The following DMAC2L variants were observed in gnomAD, a reference collection of about 807,000 sequenced individuals.
DMAC2L encodes the protein ATP synthase subunit s, mitochondrial.
Under a neutral mutation model 22.5 loss-of-function variants are expected in DMAC2L, and 21 were observed. The observed-to-expected ratio is 0.93, with a 90% CI of 0.66 to 1.34. The LOEUF is 1.34. Among genes scored for constraint, DMAC2L ranks in the 40% most tolerant of loss-of-function variants. DMAC2L has a pLI of 0.00. For missense variants in DMAC2L, 239 were observed against 246.5 expected (o/e 0.97, Z 0.20); for synonymous variants, 86 against 89.5 (o/e 0.96, Z 0.22).
chr14:50,323,506 G>A (rs1333136084), intron 4 of DMAC2L, among the ~76,000 whole-genome samples: 2 of 150,364 alleles, frequency 1.3e-5, no homozygotes, highest in Non-Finnish European at 2.9e-5. Flanking sequence ...TGATTCTCCT[G>A]CCTCAGCCTC....
Position 50,325,846 on chromosome 14 carries a change from G to C in DMAC2L, c.*123G>C. The C allele has an allele frequency of 7.1e-7, 1 of 1,413,564 alleles. No homozygotes were observed. Among genetic ancestry groups the C allele is most frequent in the Non-Finnish European group, 9.2e-7 (1 of 1,084,086 alleles). The allele number at this position is 1,413,564 out of a possible 1,614,324, so 87.6% of individuals were successfully genotyped here. A position where few individuals can be genotyped will look rare whatever the true frequency, so the allele number is the denominator to read the frequency against. ...CATATCATGACATTTTAGAAGTGGA[G>C]AGTGCATCATATGTAGAAAATAAAT... On this transcript the variant is annotated 3_prime_UTR_variant, in exon 6 of 6. Coordinates refer to ENST00000557421, the MANE Select transcript of DMAC2L (RefSeq NM_001382507.1).
At chr14:50,325,016 C>T (rs1451225061) in intron 5 of DMAC2L, among the ~76,000 whole-genome samples, 2 of 152,174 alleles carry the variant, frequency 1.3e-5, no homozygotes, top group Admixed American at 1.3e-4. Flanking sequence ...ACTCATGATC[C>T]GCCCGCCTCG....
At chr14:50,312,837 G>A (rs889995914) in intron 1 of DMAC2L, 2 of 641,424 alleles carry the variant, frequency 3.1e-6, no homozygotes, top group African/African-American at 3.7e-5. Flanking sequence ...CAGTCTTCTG[G>A]ACTTCTTTTA....
intron 2 of DMAC2L, among the ~76,000 whole-genome samples, chr14:50,319,665 A>T (rs996220035): frequency 6.6e-6 from 1 of 152,246 alleles, no homozygotes; most frequent in Non-Finnish European, 1.5e-5. Context: ...TAAATTCCTT[A>T]CAGCTCTAAT....
In DMAC2L at chr14:50,315,053, G is replaced by A. The variant is rs576190465; in HGVS notation, c.-6+427G>A. On this transcript the variant is annotated intron_variant, in intron 2 of 5. Transcript: ENST00000557421. Reference sequence around the variant, plus strand: ...ATGATCTCAGCTCACTGCAAGCTCTGCCTCCCGGGTTCACACCATTCTCCT... The same window carrying A: ...ATGATCTCAGCTCACTGCAAGCTCTACCTCCCGGGTTCACACCATTCTCCT... Among the ~76,000 whole-genome samples the A allele has an allele frequency of 3.8e-4, 58 of 151,658 alleles. 1 individual carries two copies. The South Asian group carries it at 0.012, about 31-fold the overall frequency.
chr14:50,311,797 CCTCTA>C (rs1417383221), upstream of DMAC2L, among the ~76,000 whole-genome samples: 1 of 152,204 alleles, frequency 6.6e-6, no homozygotes, highest in Non-Finnish European at 1.5e-5. Flanking sequence ...CTACTCCCGA[CCTCTA>C]CTCTATACAC....
chr14:50,314,667 G>T, intron 2 of DMAC2L, 41 bp downstream of exon 2: 1 of 453,668 alleles, frequency 2.2e-6, no homozygotes, highest in South Asian at 1.6e-5. Flanking sequence ...TTTGAGACAG[G>T]GTTATGCTCT....
At position 50,312,380 on chromosome 14, in the gene DMAC2L, C is replaced by T. The variant is rs2031301580; in HGVS notation, c.-51C>T. The T allele has an allele frequency of 8.3e-6, 5 of 602,642 alleles. No homozygotes were observed. Among genetic ancestry groups the T allele is most frequent in the South Asian group, 3.9e-5 (2 of 51,608 alleles). 37.3% of individuals were successfully genotyped at this position (602,642 alleles called of 1,614,324 possible). A position where few individuals can be genotyped will look rare whatever the true frequency, so the allele number is the denominator to read the frequency against. On this transcript the variant is annotated 5_prime_UTR_variant, in exon 1 of 6. Transcript: ENST00000557421. ...GCTGGCTCGCTCCCTCCCTCCCTCC[C>T]TCCGACGCTGTGAGTAGAGAAGCTA... is the stretch of plus-strand genomic sequence containing the variant.
chr14:50,316,988 A>G (rs1237983897), intron 2 of DMAC2L, among the ~76,000 whole-genome samples: 1 of 152,192 alleles, frequency 6.6e-6, no homozygotes, highest in African/African-American at 2.4e-5. Context: ...AGAATCTGCA[A>G]TGAACTTGAA....
Position 50,322,536 on chromosome 14 carries a change from G to A in DMAC2L, c.133G>A (p.Val45Ile), listed in dbSNP as rs747138402. ...NKVDYDRIRD[V>I]GPDRAASEWL... Reference sequence around the variant, plus strand: ...GGTGGATTATGATCGCATCAGGGATGTTGGCCCTGACAGGGCGGCATCCGA... The same window carrying A: ...GGTGGATTATGATCGCATCAGGGATATTGGCCCTGACAGGGCGGCATCCGA... Residue 45 changes from valine (V) to isoleucine (I), a missense_variant, in exon 4 of 6, where the codon GTT becomes ATT. Val to Ile is a conservative substitution (Grantham distance 29). Coordinates refer to ENST00000557421, the MANE Select transcript of DMAC2L (RefSeq NM_001382507.1). 1.2e-6 allele frequency: 2 copies of A among 1,613,148 alleles called. No individual in the cohort carries two copies. The highest frequency in any genetic ancestry group is 1.7e-6 in the Non-Finnish European group (2 of 1,179,114).
chr14:50,314,470 C>T, intron 1 of DMAC2L, 121 bp from the exon 2 acceptor site: 1 of 451,656 alleles, frequency 2.2e-6, no homozygotes, highest in Non-Finnish European at 4.5e-6. Flanking sequence ...AATACAAGTA[C>T]ATTCAACTGT....
In DMAC2L at chr14:50,324,229, A is replaced by C. The variant is rs964579305; in HGVS notation, c.488+113A>C. ...TTTTAGTTCTAAAAAAGATAATTTT[A>C]AAAAATGACCTCACTTTCATCTGTA... is the stretch of plus-strand genomic sequence containing the variant. On this transcript the variant is annotated intron_variant, in intron 5 of 5. Transcript: ENST00000557421. 5 of 1,142,996 alleles carry C rather than the reference A, an allele frequency of 4.4e-6. No individual in the cohort carries two copies. In the Admixed American group the frequency reaches 1.1e-4, roughly 24 times the overall value. 70.8% of individuals were successfully genotyped at this position (1,142,996 alleles called of 1,614,324 possible).
At chr14:50,311,660 G>A (rs1376531573), upstream of DMAC2L, among the ~76,000 whole-genome samples, 2 of 152,182 alleles carry the variant, frequency 1.3e-5, no homozygotes, top group Non-Finnish European at 2.9e-5. Context: ...TGTGTGCTAG[G>A]TCCTTTTATC....
At position 50,321,561 on chromosome 14, in the gene DMAC2L, A is replaced by C. The variant is rs551841773; in HGVS notation, c.74A>C (p.Tyr25Ser). 3.7e-6 allele frequency: 6 copies of C among 1,613,918 alleles called. No homozygotes were observed. Among genetic ancestry groups the C allele is most frequent in the Non-Finnish European group, 5.1e-6 (6 of 1,179,810 alleles). ...KKLPWSCDSRYFWGWLNAVFN... is the reference protein window; with the variant it reads ...KKLPWSCDSRSFWGWLNAVFN... ...CTCCCATGGTCATGTGACTCCAGAT[A>C]CTTCTGGGGCTGGTTGAATGCAGTG... The change falls in exon 3 of 6, where the codon TAC becomes TCC. Residue 25 changes from tyrosine (Y) to serine (S), a missense_variant. Coordinates refer to ENST00000557421, the MANE Select transcript of DMAC2L (RefSeq NM_001382507.1).
In DMAC2L at chr14:50,326,519, G is replaced by A. The variant is rs1324702345; in HGVS notation, c.*796G>A. The A allele has an allele frequency of 2.0e-6, 2 of 985,330 alleles. No individual in the cohort carries two copies. Among genetic ancestry groups the A allele is most frequent in the Non-Finnish European group, 2.4e-6 (2 of 829,932 alleles). The allele number at this position is 985,330 out of a possible 1,614,324, so 61.0% of individuals were successfully genotyped here. On this transcript the variant is annotated 3_prime_UTR_variant, in exon 6 of 6. Transcript: ENST00000557421. ...GTTGAAGCATGCATTGCTTCAACAG[G>A]ATTTGCGTGCATTTCCCATGATCCT... is the stretch of plus-strand genomic sequence containing the variant.
intron 3 of DMAC2L, 89 bp from the exon 4 acceptor site, chr14:50,322,422 T>A (rs2032354476): frequency 1.5e-6 from 2 of 1,309,118 alleles, no homozygotes; most frequent in Non-Finnish European, 2.0e-6. Context: ...TGAAAATTTG[T>A]TGCGTTCTGT....
At position 50,319,751 on chromosome 14, in the gene DMAC2L, T is replaced by G. The variant is rs577320335; in HGVS notation, c.-5-1732T>G. On this transcript the variant is annotated intron_variant, in intron 2 of 5. Transcript: ENST00000557421. ...TCCTGCTAACACTTAGTATGTAGAT[T>G]ATGAAAAACTAAAAGAAAAAAATCT... is the stretch of plus-strand genomic sequence containing the variant. 3.3e-5 allele frequency among the ~76,000 whole-genome samples: 5 copies of G among 152,294 alleles called. No individual in the cohort carries two copies. The South Asian group carries it at 1.0e-3, about 32-fold the overall frequency.
intron 2 of DMAC2L, 189 bp from the exon 3 acceptor site, chr14:50,321,294 C>G (rs753671697): frequency 1.3e-5 from 15 of 1,154,506 alleles, no homozygotes; most frequent in South Asian, 2.0e-5. Context: ...CCAGTCCAAC[C>G]CCTCATTTTT....
At position 50,326,689 on chromosome 14, in the gene DMAC2L, A is replaced by G. The variant is rs991284507; in HGVS notation, c.*966A>G. On this transcript the variant is annotated 3_prime_UTR_variant, in exon 6 of 6. Transcript: ENST00000557421. Reference sequence around the variant, plus strand: ...AATACAAATAGTTTTGCAGATTGCAATATAATAAAGGAAACAGTAAAAACT... The same window carrying G: ...AATACAAATAGTTTTGCAGATTGCAGTATAATAAAGGAAACAGTAAAAACT... 1.4e-5 allele frequency: 14 copies of G among 985,308 alleles called. No homozygotes were observed. In the Admixed American group the frequency reaches 5.5e-4, roughly 39 times the overall value. The allele number at this position is 985,308 out of a possible 1,614,324, so 61.0% of individuals were successfully genotyped here. A position where few individuals can be genotyped will look rare whatever the true frequency, so the allele number is the denominator to read the frequency against.
Sources: gnomAD v4.1 joint callset for allele counts (sites outside exome capture counted in the v4.1 genomes callset) on GRCh38, gnomAD v4.1.1 for gene constraint, MANE v1.5 for transcripts, NCBI Gene and HGNC (gene_info 2026-07-23, HGNC 2026-07-21) for gene names.